Variants in SYNE2 observed in about 807,000 individuals in gnomAD.
SYNE2 encodes nesprin-2.
SYNE2 carries 431 observed loss-of-function variants against 856.3 expected under a neutral mutation model. That is an observed-to-expected ratio of 0.50 (90% CI 0.47 to 0.55). The LOEUF (loss-of-function observed/expected upper bound fraction) is 0.55, where lower values mean the gene tolerates loss of function less well. SYNE2 is among the 20% of genes least tolerant of loss of function. The pLI, the probability that SYNE2 is intolerant of heterozygous loss-of-function variation, is 0.00. For missense variants in SYNE2, 8,129 were observed against 8,023.2 expected (o/e 1.01, Z -0.50); for synonymous variants, 2,923 against 2,872.3 (o/e 1.02, Z -0.56).
intron 1 of SYNE2, among the ~76,000 whole-genome samples, chr14:63,806,841 T>C (rs188354121): frequency 6.6e-6 from 1 of 152,094 alleles, no homozygotes; most frequent in Non-Finnish European, 1.5e-5. Context: ...TAACTAGTGA[T>C]CTATCAATCC....
At chr14:64,219,176 GCTTT>G (rs1187590693) in intron 109 of SYNE2, 28 bp from the exon 110 acceptor site, 1 of 1,482,690 alleles carries the variant, frequency 6.7e-7, no homozygotes, top group Non-Finnish European at 9.0e-7. Flanking sequence ...TTGCATTATT[GCTTT>G]TTTTAATTGG....
chr14:63,844,634 G>C (rs1203981784), intron 1 of SYNE2, among the ~76,000 whole-genome samples: 1 of 152,144 alleles, frequency 6.6e-6, no homozygotes, highest in Non-Finnish European at 1.5e-5. Flanking sequence ...TCATAAATGA[G>C]AGTAGTTTAT....
chr14:64,202,061 C>G, intron 99 of SYNE2: 1 of 643,648 alleles, frequency 1.6e-6, no homozygotes, highest in Non-Finnish European at 2.8e-6. Context: ...GTACTCATGC[C>G]ATGCGTGTGC....
chr14:64,040,809 G>A (rs1001982389), intron 45 of SYNE2, among the ~76,000 whole-genome samples: 4 of 151,328 alleles, frequency 2.6e-5, no homozygotes, highest in African/African-American at 9.7e-5. Context: ...TGGAGGAAAG[G>A]CAAAACTTAG....
intron 2 of SYNE2, among the ~76,000 whole-genome samples, chr14:63,924,223 G>C (rs955205406): frequency 1.3e-5 from 2 of 152,136 alleles, no homozygotes; most frequent in Non-Finnish European, 2.9e-5. Context: ...CTATTATATA[G>C]ATCAACCCAT....
chr14:64,170,185 A>G (rs745702373), intron 93 of SYNE2, 43 bp from the exon 94 acceptor site: 6 of 1,588,250 alleles, frequency 3.8e-6, no homozygotes, highest in South Asian at 2.2e-5. Flanking sequence ...TATTTTTTCT[A>G]CATGTCGATG....
chr14:64,082,833 C>T (rs2097534552), intron 57 of SYNE2, among the ~76,000 whole-genome samples: 1 of 152,188 alleles, frequency 6.6e-6, no homozygotes, highest in South Asian at 2.1e-4. Context: ...TTCCAAATTT[C>T]CTGTCCTTGC....
chr14:63,958,595 T>G (rs917556239), intron 8 of SYNE2, among the ~76,000 whole-genome samples: 3 of 152,234 alleles, frequency 2.0e-5, no homozygotes, highest in Non-Finnish European at 4.4e-5. Flanking sequence ...GAGCTAGTGC[T>G]GATCAGGGTT....
At chr14:64,021,286 A>G in intron 35 of SYNE2, 29 bp from the exon 36 acceptor site, 1 of 1,563,278 alleles carries the variant, frequency 6.4e-7, no homozygotes, top group Non-Finnish European at 8.8e-7. Flanking sequence ...AATGACTGTT[A>G]TACAACTTCA....
intron 100 of SYNE2, among the ~76,000 whole-genome samples, chr14:64,205,959 T>TG (rs991009646): frequency 3.3e-5 from 5 of 151,878 alleles, no homozygotes. Flanking sequence ...AATACCATCC[T>TG]GTCCCACTTG....
intron 18 of SYNE2, among the ~76,000 whole-genome samples, chr14:63,984,658 G>A (rs185739877): frequency 0.011 from 1,620 of 152,258 alleles, 20 homozygotes; most frequent in Non-Finnish European, 0.016. Flanking sequence ...TCATATACTT[G>A]TAAGATATAA....
Position 64,225,992 on chromosome 14 carries a change from A to C in SYNE2, c.*466A>C, listed in dbSNP as rs1010305623. 7.9e-6 allele frequency: 2 copies of C among 253,508 alleles called. No homozygotes were observed. Among genetic ancestry groups the C allele is most frequent in the Non-Finnish European group, 1.5e-5 (2 of 131,262 alleles). 15.7% of individuals were successfully genotyped at this position (253,508 alleles called of 1,614,324 possible). A position where few individuals can be genotyped will look rare whatever the true frequency, so the allele number is the denominator to read the frequency against. ...ACAATCAATCATATTTAATACGCTT[A>C]GAATCAGTTTTACTCCAATCAGCTG... is the stretch of plus-strand genomic sequence containing the variant. On this transcript the variant is annotated 3_prime_UTR_variant, in exon 116 of 116. Coordinates refer to ENST00000555002, the MANE Select transcript of SYNE2 (RefSeq NM_182914.3).
At chr14:63,992,242 GA>G (rs34907122) in intron 21 of SYNE2, among the ~76,000 whole-genome samples, 3 of 147,656 alleles carry the variant, frequency 2.0e-5, no homozygotes, top group African/African-American at 5.0e-5. Flanking sequence ...AAAAGAGAAG[GA>G]AAAAAAAAAT....
chr14:64,054,190 A>G (rs2097250889), intron 48 of SYNE2, among the ~76,000 whole-genome samples: 1 of 152,214 alleles, frequency 6.6e-6, no homozygotes, highest in South Asian at 2.1e-4. Context: ...TTAGAAAAGG[A>G]CAAATCTGAC....
intron 17 of SYNE2, 38 bp downstream of exon 17, chr14:63,982,832 T>C (rs193176912): frequency 1.9e-5 from 30 of 1,597,502 alleles, no homozygotes; most frequent in Non-Finnish European, 2.5e-5. Flanking sequence ...TATTTAGATA[T>C]GATTCATGTA....
chr14:64,083,600 C>T (rs563567735), intron 57 of SYNE2, among the ~76,000 whole-genome samples: 33 of 152,152 alleles, frequency 2.2e-4, no homozygotes, highest in Non-Finnish European at 4.3e-4. Context: ...CTATGTGTCC[C>T]GATGTGTCCT....
rs545347165 is a variant in SYNE2 at position 64,037,264 on chromosome 14, C to T, written c.7221+5907C>T. The stretch of plus-strand genomic sequence containing the variant: ...AACAAAGGTCTCTGGTTTTCCTAGG[C>T]GGAGGACCCTGCGGCCTTCCGCAGT... On this transcript the variant is annotated intron_variant, in intron 45 of 115. Transcript: ENST00000555002. Among the ~76,000 whole-genome samples the T allele has an allele frequency of 7.0e-4, 106 of 151,484 alleles. 1 individual carries two copies. Among genetic ancestry groups the T allele is most frequent in the African/African-American group, 2.4e-3 (98 of 41,264 alleles).
intron 1 of SYNE2, among the ~76,000 whole-genome samples, chr14:63,817,875 A>C (rs773178080): frequency 6.6e-6 from 1 of 151,796 alleles, no homozygotes; most frequent in African/African-American, 2.4e-5. Context: ...AAATTAAAAC[A>C]TTAGTCGAGC....
At chr14:64,215,415 C>G (rs2098661492) in intron 107 of SYNE2, 61 bp downstream of exon 107, 1 of 1,517,006 alleles carries the variant, frequency 6.6e-7, no homozygotes. Context: ...ACTGCATCCT[C>G]AACCTCGCTC....
Sources: gnomAD v4.1 joint callset for allele counts (sites outside exome capture counted in the v4.1 genomes callset) on GRCh38, gnomAD v4.1.1 for gene constraint, MANE v1.5 for transcripts, NCBI Gene and HGNC (gene_info 2026-07-23, HGNC 2026-07-21) for gene names.